Variants in LRRC38 observed in about 807,000 individuals in gnomAD.
The protein encoded by LRRC38 is leucine rich repeat containing 38, also known as leucine-rich repeat-containing protein 38.
LRRC38 carries 5 observed loss-of-function variants against 16.4 expected under a neutral mutation model. The observed-to-expected ratio is 0.31, with a 90% confidence interval of 0.16 to 0.64. The LOEUF is 0.64. Ranked by LOEUF, LRRC38 falls within the 30% of genes least tolerant of loss-of-function variation. The pLI is 0.80. For synonymous variants in LRRC38, 191 were observed against 190.2 expected (o/e 1.00, Z -0.04); for missense variants, 341 against 401.8 (o/e 0.85, Z 1.29).
chr1:13,488,981 C>T (rs372553501), intron 1 of LRRC38, among the ~76,000 whole-genome samples: 58 of 152,308 alleles, frequency 3.8e-4, no homozygotes, highest in African/African-American at 1.4e-3. Flanking sequence ...AGGCTGTTCA[C>T]AGCAGCATTG....
At chr1:13,506,614 T>C (rs952170949) in intron 1 of LRRC38, among the ~76,000 whole-genome samples, 1 of 152,176 alleles carries the variant, frequency 6.6e-6, no homozygotes, top group Non-Finnish European at 1.5e-5. Flanking sequence ...CACGCCACCG[T>C]GCCCAGCTAG....
intron 1 of LRRC38, among the ~76,000 whole-genome samples, chr1:13,484,127 T>A (rs1402578377): frequency 6.6e-6 from 1 of 152,048 alleles, no homozygotes; most frequent in Non-Finnish European, 1.5e-5. Flanking sequence ...TGCTTGCCGT[T>A]CCTCAAACGC....
intron 1 of LRRC38, among the ~76,000 whole-genome samples, chr1:13,509,303 G>A (rs947993510): frequency 1.3e-5 from 2 of 152,112 alleles, no homozygotes; most frequent in African/African-American, 4.8e-5. Context: ...GTGCAAGAGG[G>A]TGCCTGGGTG....
At chr1:13,485,944 T>C (rs1638926800) in intron 1 of LRRC38, among the ~76,000 whole-genome samples, 1 of 152,104 alleles carries the variant, frequency 6.6e-6, no homozygotes, top group Non-Finnish European at 1.5e-5. Context: ...TGGTTCTTTC[T>C]TTTTTTGAGA....
At chr1:13,483,276 C>T (rs1259952276) in intron 1 of LRRC38, among the ~76,000 whole-genome samples, 2 of 152,130 alleles carry the variant, frequency 1.3e-5, no homozygotes, top group Admixed American at 6.5e-5. Flanking sequence ...CTCAGCCTCC[C>T]GAGTAACTGG....
chr1:13,512,934 C>A, intron 1 of LRRC38, 29 bp downstream of exon 1: 1 of 1,480,100 alleles, frequency 6.8e-7, no homozygotes, highest in South Asian at 1.3e-5. Context: ...CCCCTCCCTC[C>A]CTCCCCCAGC....
intron 1 of LRRC38, among the ~76,000 whole-genome samples, chr1:13,481,385 AT>A (rs201732940): frequency 9.2e-4 from 106 of 115,196 alleles, no homozygotes; most frequent in Middle Eastern, 0.011. Flanking sequence ...TGTTTTTTTT[AT>A]TTTTTTTTTT....
chr1:13,485,933 G>A (rs2100496158), intron 1 of LRRC38, among the ~76,000 whole-genome samples: 1 of 152,168 alleles, frequency 6.6e-6, no homozygotes, highest in African/African-American at 2.4e-5. Flanking sequence ...CCAGCTTCTG[G>A]TGGTTCTTTC....
At chr1:13,511,703 G>C (rs1168020216) in intron 1 of LRRC38, among the ~76,000 whole-genome samples, 1 of 152,012 alleles carries the variant, frequency 6.6e-6, no homozygotes, top group Non-Finnish European at 1.5e-5. Flanking sequence ...TCTACTGGTG[G>C]GCAGGGTCTG....
intron 1 of LRRC38, among the ~76,000 whole-genome samples, chr1:13,496,634 A>G (rs1424309744): frequency 6.6e-6 from 1 of 152,118 alleles, no homozygotes; most frequent in Non-Finnish European, 1.5e-5. Flanking sequence ...CCACCCACCG[A>G]GTCATTCATC....
At chr1:13,494,034 G>A (rs950183451) in intron 1 of LRRC38, among the ~76,000 whole-genome samples, 15 of 152,210 alleles carry the variant, frequency 9.9e-5, no homozygotes, top group African/African-American at 3.6e-4. Context: ...CTGCACTCCA[G>A]CCTGGGCAAG....
At chr1:13,476,180 A>G in intron 1 of LRRC38, 81 bp from the exon 2 acceptor site, 1 of 1,389,784 alleles carries the variant, frequency 7.2e-7, no homozygotes, top group Non-Finnish European at 9.9e-7. Flanking sequence ...AGGTGCTTAC[A>G]AAGCCAGCAA....
At chr1:13,485,694 C>G (rs531081498) in intron 1 of LRRC38, among the ~76,000 whole-genome samples, 1 of 152,188 alleles carries the variant, frequency 6.6e-6, no homozygotes, top group African/African-American at 2.4e-5. Context: ...ATGCTACCTC[C>G]ATTGGTGGCC....
At chr1:13,498,992 G>A (rs987697895) in intron 1 of LRRC38, among the ~76,000 whole-genome samples, 11 of 152,062 alleles carry the variant, frequency 7.2e-5, no homozygotes, top group African/African-American at 2.7e-4. Context: ...TCATCTTCAC[G>A]TGGCCTTCTC....
At chr1:13,506,362 A>G (rs1639213528) in intron 1 of LRRC38, among the ~76,000 whole-genome samples, 1 of 152,242 alleles carries the variant, frequency 6.6e-6, no homozygotes, top group Admixed American at 6.5e-5. Flanking sequence ...GGCCGTGCTC[A>G]GGATATGAGT....
At chr1:13,476,218 G>A in intron 1 of LRRC38, 119 bp from the exon 2 acceptor site, 1 of 885,682 alleles carries the variant, frequency 1.1e-6, no homozygotes, top group Admixed American at 2.8e-5. Context: ...AAAAATAAAA[G>A]GGGGGAAAAG....
intron 1 of LRRC38, among the ~76,000 whole-genome samples, chr1:13,510,280 C>T (rs1639259711): frequency 6.6e-6 from 1 of 152,148 alleles, no homozygotes; most frequent in African/African-American, 2.4e-5. Context: ...GTGGTCCTCA[C>T]GGAGGAGGTA....
chr1:13,498,734 G>A (rs1040236294), intron 1 of LRRC38, among the ~76,000 whole-genome samples: 2 of 152,196 alleles, frequency 1.3e-5, no homozygotes, highest in African/African-American at 4.8e-5. Flanking sequence ...TGAGCTGTTG[G>A]CATTATCCCC....
In LRRC38 at chr1:13,513,690, G is replaced by C. The variant is rs368767815; in HGVS notation, c.-97C>G. ...CGGTGAGGCACTGGCTGCCGGGCGC[G>C]GGGAGCCAGAGGGCGGCCCGGGCGG... On this transcript the variant is annotated 5_prime_UTR_variant, in exon 1 of 2. Transcript: ENST00000376085. 1.4e-5 allele frequency: 12 copies of C among 865,912 alleles called. No individual in the cohort carries two copies. The highest frequency in any genetic ancestry group is 1.0e-4 in the South Asian group (2 of 19,144). The allele number at this position is 865,912 out of a possible 1,614,324, so 53.6% of individuals were successfully genotyped here. A position where few individuals can be genotyped will look rare whatever the true frequency, so the allele number is the denominator to read the frequency against.
Sources: allele counts gnomAD v4.1 joint callset (sites outside exome capture counted in the v4.1 genomes callset), GRCh38; gene constraint gnomAD v4.1.1; transcripts MANE v1.5; gene names NCBI Gene and HGNC (gene_info 2026-07-23, HGNC 2026-07-21).